The following NRG3 variants were observed in gnomAD, a reference collection of about 807,000 sequenced individuals.
NRG3 encodes the protein neuregulin 3.
A neutral mutation model predicts 66.9 loss-of-function variants in NRG3; 31 were observed. The observed-to-expected ratio is 0.46, with a 90% confidence interval of 0.35 to 0.63. The LOEUF is 0.63. Ranked by LOEUF, NRG3 falls within the 20% of genes least tolerant of loss-of-function variation. The probability of loss-of-function intolerance (pLI) is 0.00; values close to 1 mark genes in which losing one functional copy is unlikely to be tolerated. For synonymous variants in NRG3, 393 were observed against 359.4 expected (o/e 1.09, Z -1.06); for missense variants, 910 against 878.9 (o/e 1.04, Z -0.45).
At chr10:82,431,511 T>A (rs2089803707) in intron 2 of NRG3, among the ~76,000 whole-genome samples, 1 of 152,162 alleles carries the variant, frequency 6.6e-6, no homozygotes, top group Non-Finnish European at 1.5e-5. Context: ...ATGTCAAGAG[T>A]AATAACAAAG....
chr10:82,738,742 A>T lies in NRG3; in HGVS notation c.1027+92A>T, dbSNP rs1283864043. On this transcript the variant is annotated intron_variant, in intron 3 of 8. Transcript: ENST00000372141. Reference sequence around the variant, plus strand: ...TTAACTCAGCTGAAAGCTATATTTCAGTCTTGTGTCTCTGAAAGCTGCCAA... The same window carrying T: ...TTAACTCAGCTGAAAGCTATATTTCTGTCTTGTGTCTCTGAAAGCTGCCAA... The T allele has an allele frequency of 2.7e-6, 3 of 1,128,238 alleles. No homozygotes were observed. In the African/African-American group the frequency reaches 4.6e-5, roughly 17 times the overall value. 69.9% of individuals were successfully genotyped at this position (1,128,238 alleles called of 1,614,324 possible). A position where few individuals can be genotyped will look rare whatever the true frequency, so the allele number is the denominator to read the frequency against.
rs190563966 is a variant in NRG3, at chr10:82,369,097, A to C, written c.953+10229A>C. Reference sequence around the variant, plus strand: ...TCCAAATCACTTTTGTCTGATCATCATTTACAAACATAAAAGATGGCTTAA... The same window carrying C: ...TCCAAATCACTTTTGTCTGATCATCCTTTACAAACATAAAAGATGGCTTAA... On this transcript the variant is annotated intron_variant, in intron 2 of 8. Coordinates refer to ENST00000372141, the MANE Select transcript of NRG3 (RefSeq NM_001010848.4). Among the ~76,000 whole-genome samples the C allele has an allele frequency of 1.0e-4, 14 of 138,248 alleles. 3 individuals carry two copies. In the East Asian group the frequency reaches 3.0e-3, roughly 30 times the overall value. 90.7% of individuals were successfully genotyped at this position (138,248 alleles called of 152,430 possible). A position where few individuals can be genotyped will look rare whatever the true frequency, so the allele number is the denominator to read the frequency against.
chr10:82,090,728 A>T (rs2065980539), intron 1 of NRG3, among the ~76,000 whole-genome samples: 1 of 141,866 alleles, frequency 7.0e-6, no homozygotes, highest in Admixed American at 7.4e-5. Flanking sequence ...TAATGGGGGC[A>T]AAACAAGACT....
chr10:82,176,487 C>T (rs1356594760), intron 1 of NRG3, among the ~76,000 whole-genome samples: 3 of 152,032 alleles, frequency 2.0e-5, no homozygotes, highest in African/African-American at 7.2e-5. Flanking sequence ...CTTGCTGCTC[C>T]CTATATGTTT....
intron 1 of NRG3, among the ~76,000 whole-genome samples, chr10:81,876,560 C>T (rs1013068753): frequency 6.6e-6 from 1 of 152,164 alleles, no homozygotes; most frequent in Non-Finnish European, 1.5e-5. Context: ...AGGCACTGAG[C>T]CCCTTCTCCG....
intron 1 of NRG3, among the ~76,000 whole-genome samples, chr10:82,293,413 T>A (rs1283000176): frequency 1.3e-5 from 2 of 152,322 alleles, no homozygotes; most frequent in Non-Finnish European, 2.9e-5. Context: ...AGTGCCTAAG[T>A]TCAATTATTA....
intron 1 of NRG3, among the ~76,000 whole-genome samples, chr10:81,993,444 T>A (rs950967987): frequency 2.0e-5 from 3 of 152,142 alleles, no homozygotes; most frequent in Non-Finnish European, 4.4e-5. Flanking sequence ...ACTCCTGGGT[T>A]CAAATGATCC....
At position 82,714,141 on chromosome 10, in the gene NRG3, C is replaced by CTGATACAACAAAACAACA. The variant is rs1165393603; in HGVS notation, c.954-24436_954-24435insTGATACAACAAAACAACA. Among the ~76,000 whole-genome samples the CTGATACAACAAAACAACA allele has an allele frequency of 2.6e-5, 4 of 152,284 alleles. No individual in the cohort carries two copies. In the East Asian group the frequency reaches 7.7e-4, roughly 29 times the overall value. On this transcript the variant is annotated intron_variant, in intron 2 of 8. Transcript: ENST00000372141. ...TTAAAATGATATGTATTACTATGTACAATCTGATGTTTTGACATATACATG... is the reference window on the plus strand; with the variant it reads ...TTAAAATGATATGTATTACTATGTACTGATACAACAAAACAACAAATCTGATGTTTTGACATATACATG...
chr10:82,678,521 CCATCTGGATGTATA>C (rs1480067185), intron 2 of NRG3, among the ~76,000 whole-genome samples: 8 of 152,150 alleles, frequency 5.3e-5, no homozygotes, highest in African/African-American at 1.9e-4. Context: ...TTACTTCAGG[CCATCTGGATGTATA>C]CGTGCAGGTC....
intron 2 of NRG3, among the ~76,000 whole-genome samples, chr10:82,408,634 T>C (rs199905626): frequency 3.6e-5 from 2 of 55,142 alleles, no homozygotes; most frequent in Non-Finnish European, 5.7e-5. Context: ...ATATATATAT[T>C]ATATATATAT....
intron 6 of NRG3, among the ~76,000 whole-genome samples, chr10:82,973,498 C>T (rs1028831350): frequency 1.3e-5 from 2 of 152,136 alleles, no homozygotes; most frequent in African/African-American, 4.8e-5. Context: ...GGCTGTCAGT[C>T]ATAGTGTGCC....
At chr10:82,598,825 G>A (rs369379809) in intron 2 of NRG3, among the ~76,000 whole-genome samples, 27 of 152,246 alleles carry the variant, frequency 1.8e-4, no homozygotes, top group South Asian at 1.5e-3. Context: ...CAAGGCAGGC[G>A]GATCACCTAA....
intron 1 of NRG3, among the ~76,000 whole-genome samples, chr10:82,223,971 A>G (rs779178035): frequency 2.6e-5 from 4 of 152,130 alleles, no homozygotes; most frequent in Non-Finnish European, 5.9e-5. Context: ...CTGTCTTATC[A>G]TGACAGAAAA....
At chr10:82,272,532 CTATT>C (rs991950314) in intron 1 of NRG3, among the ~76,000 whole-genome samples, 32 of 152,108 alleles carry the variant, frequency 2.1e-4, no homozygotes, top group African/African-American at 7.7e-4. Flanking sequence ...AATTTGGTGG[CTATT>C]TATGTAGATG....
intron 3 of NRG3, among the ~76,000 whole-genome samples, chr10:82,806,853 T>A (rs1021750469): frequency 1.3e-5 from 2 of 152,220 alleles, no homozygotes; most frequent in African/African-American, 4.8e-5. Context: ...GTTGTAGACA[T>A]CAGATAGGCA....
chr10:81,903,926 C>T (rs887594315), intron 1 of NRG3, among the ~76,000 whole-genome samples: 1 of 151,694 alleles, frequency 6.6e-6, no homozygotes, highest in Non-Finnish European at 1.5e-5. Flanking sequence ...GAGTCACATG[C>T]TCAACATGGT....
chr10:82,954,677 A>G (rs1435715563), intron 5 of NRG3, among the ~76,000 whole-genome samples: 1 of 151,812 alleles, frequency 6.6e-6, no homozygotes, highest in Non-Finnish European at 1.5e-5. Context: ...TCCTTCTTCT[A>G]GTACCATTTT....
intron 3 of NRG3, among the ~76,000 whole-genome samples, chr10:82,863,365 G>A (rs2064241544): frequency 6.6e-6 from 1 of 152,132 alleles, no homozygotes; most frequent in Non-Finnish European, 1.5e-5. Context: ...TAATCCTTTG[G>A]GTATATACCC....
Position 82,504,186 on chromosome 10 carries a change from C to T in NRG3, c.953+145318C>T, listed in dbSNP as rs545703814. On this transcript the variant is annotated intron_variant, in intron 2 of 8. Transcript: ENST00000372141. ...CGGGTTTCTATAACTCTGTGCCCTT[C>T]ATGAATGATCAGTCAGATGCCTTCT... Among the ~76,000 whole-genome samples, 5 of 152,296 alleles carry T rather than the reference C, an allele frequency of 3.3e-5. No homozygotes were observed. The South Asian group carries it at 1.0e-3, about 32-fold the overall frequency.
Sources: allele counts gnomAD v4.1 joint callset (sites outside exome capture counted in the v4.1 genomes callset), GRCh38; gene constraint gnomAD v4.1.1; transcripts MANE v1.5; gene names NCBI Gene and HGNC (gene_info 2026-07-23, HGNC 2026-07-21).